Variants in CMSS1 observed in about 807,000 individuals in gnomAD.
CMSS1 encodes the protein cms1 ribosomal small subunit homolog.
A neutral mutation model predicts 43.5 loss-of-function variants in CMSS1; 33 were observed. That is an observed-to-expected ratio of 0.76 (90% CI 0.57 to 1.01). The LOEUF (loss-of-function observed/expected upper bound fraction) is 1.01. CMSS1 is among the 50% of genes least tolerant of loss of function. The pLI is 0.00. For synonymous variants in CMSS1, 115 were observed against 117.2 expected (o/e 0.98, Z 0.12); for missense variants, 313 against 326.4 (o/e 0.96, Z 0.32).
intron 1 of CMSS1, among the ~76,000 whole-genome samples, chr3:100,095,929 A>C (rs2107445828): frequency 6.6e-6 from 1 of 152,328 alleles, no homozygotes; most frequent in South Asian, 2.1e-4. Context: ...CATAAGAAAA[A>C]AATGAATAAT....
At chr3:100,107,237 T>C (rs2107469042) in intron 1 of CMSS1, among the ~76,000 whole-genome samples, 1 of 152,296 alleles carries the variant, frequency 6.6e-6, no homozygotes, top group South Asian at 2.1e-4. Context: ...TGTCCAGATG[T>C]AGATGGGAAT....
chr3:100,035,291 T>G (rs1459301747), intron 1 of CMSS1, among the ~76,000 whole-genome samples: 1 of 152,190 alleles, frequency 6.6e-6, no homozygotes, highest in Non-Finnish European at 1.5e-5. Flanking sequence ...TATTATTATT[T>G]GAGACACAGT....
chr3:100,043,780 A>G (rs1456598345), intron 1 of CMSS1, among the ~76,000 whole-genome samples: 3 of 152,240 alleles, frequency 2.0e-5, no homozygotes, highest in Non-Finnish European at 2.9e-5. Flanking sequence ...TAACATATCC[A>G]TCACCTCACC....
At chr3:99,891,777 C>G (rs1166906085) in intron 1 of CMSS1, among the ~76,000 whole-genome samples, 1 of 152,152 alleles carries the variant, frequency 6.6e-6, no homozygotes, top group Non-Finnish European at 1.5e-5. Context: ...CCATTCATTG[C>G]TCAGCTTACT....
intron 1 of CMSS1, chr3:100,010,101 CT>C (rs1256489288): frequency 5.6e-5 from 49 of 876,692 alleles, no homozygotes; most frequent in Non-Finnish European, 6.4e-5. Context: ...CAAGTTCTCA[CT>C]TTTTTCTTTC....
intron 1 of CMSS1, among the ~76,000 whole-genome samples, chr3:100,114,748 C>A (rs193291479): frequency 7.3e-4 from 111 of 152,242 alleles, no homozygotes; most frequent in Non-Finnish European, 1.3e-3. Flanking sequence ...GAACAGATGC[C>A]CAGATGGACA....
At chr3:100,005,158 C>A (rs1252686393) in intron 1 of CMSS1, among the ~76,000 whole-genome samples, 1 of 152,192 alleles carries the variant, frequency 6.6e-6, no homozygotes, top group Admixed American at 6.5e-5. Context: ...AGTGGAGTTA[C>A]AACCAGGAAA....
At chr3:99,901,418 A>T (rs1706432005) in intron 1 of CMSS1, among the ~76,000 whole-genome samples, 2 of 152,236 alleles carry the variant, frequency 1.3e-5, no homozygotes, top group African/African-American at 4.8e-5. Context: ...TCATGTCAAA[A>T]CAATGCACTT....
intron 1 of CMSS1, among the ~76,000 whole-genome samples, chr3:100,013,186 G>T (rs1710213382): frequency 6.6e-6 from 1 of 151,530 alleles, no homozygotes; most frequent in Non-Finnish European, 1.5e-5. Flanking sequence ...TGCATATTCT[G>T]ACAGCAGCCC....
intron 1 of CMSS1, among the ~76,000 whole-genome samples, chr3:100,120,519 G>A (rs2107491099): frequency 6.6e-6 from 1 of 152,204 alleles, no homozygotes; most frequent in African/African-American, 2.4e-5. Context: ...TTCTAATCCT[G>A]TTTTCTGTAT....
At chr3:99,850,067 C>T in intron 1 of CMSS1, 9 of 1,612,398 alleles carry the variant, frequency 5.6e-6, no homozygotes, top group Non-Finnish European at 7.6e-6. Flanking sequence ...ATTAACTTCT[C>T]AGTAACTGTT....
At chr3:99,878,141 G>T (rs1705598208) in intron 1 of CMSS1, among the ~76,000 whole-genome samples, 1 of 152,150 alleles carries the variant, frequency 6.6e-6, no homozygotes, top group Admixed American at 6.5e-5. Flanking sequence ...CATTACTAAT[G>T]TGTTACTCCT....
At chr3:99,934,631 T>C (rs891392115) in intron 1 of CMSS1, among the ~76,000 whole-genome samples, 21 of 152,238 alleles carry the variant, frequency 1.4e-4, no homozygotes, top group African/African-American at 5.1e-4. Context: ...GGTAATTTGC[T>C]AAACATTGTT....
intron 1 of CMSS1, among the ~76,000 whole-genome samples, chr3:100,104,793 AC>A (rs1477392979): frequency 1.3e-5 from 2 of 152,126 alleles, no homozygotes; most frequent in East Asian, 3.9e-4. Flanking sequence ...GAAAAGAGTC[AC>A]CCCTGTTATT....
intron 1 of CMSS1, among the ~76,000 whole-genome samples, chr3:99,977,846 G>GGTA (rs1709015741): frequency 6.6e-6 from 1 of 152,060 alleles, no homozygotes; most frequent in Non-Finnish European, 1.5e-5. Context: ...GATCCAATAA[G>GGTA]AGAAATCTGT....
chr3:99,896,885 C>T (rs1457551983), intron 1 of CMSS1, among the ~76,000 whole-genome samples: 1 of 152,106 alleles, frequency 6.6e-6, no homozygotes, highest in Non-Finnish European at 1.5e-5. Context: ...TCAGTGTATA[C>T]AACGGGTGCT....
intron 1 of CMSS1, among the ~76,000 whole-genome samples, chr3:100,031,599 A>G (rs1352280059): frequency 2.0e-5 from 3 of 152,174 alleles, no homozygotes; most frequent in Non-Finnish European, 2.9e-5. Context: ...TGAGACCCGC[A>G]TCCCTTGGCT....
intron 1 of CMSS1, among the ~76,000 whole-genome samples, chr3:99,919,198 G>T (rs1707047846): frequency 6.6e-6 from 1 of 151,832 alleles, no homozygotes; most frequent in Admixed American, 6.6e-5. Context: ...AGTTTAATGT[G>T]TTTATTGATT....
chr3:99,938,674 G>A (rs574009759), intron 1 of CMSS1, among the ~76,000 whole-genome samples: 1 of 152,232 alleles, frequency 6.6e-6, no homozygotes, highest in East Asian at 1.9e-4. Context: ...GAGCTGGTTG[G>A]CCCCTTTAAT....
Sources: gnomAD v4.1 joint callset for allele counts (sites outside exome capture counted in the v4.1 genomes callset) on GRCh38, gnomAD v4.1.1 for gene constraint, MANE v1.5 for transcripts, NCBI Gene and HGNC (gene_info 2026-07-23, HGNC 2026-07-21) for gene names.